Variants in SYNE2 observed in about 807,000 individuals in gnomAD.
SYNE2 encodes the protein spectrin repeat containing nuclear envelope protein 2, also known as nesprin-2.
Under a neutral mutation model 856.3 loss-of-function variants are expected in SYNE2, and 431 were observed. That is an observed-to-expected ratio of 0.50 (90% CI 0.47 to 0.55). The LOEUF (loss-of-function observed/expected upper bound fraction) is 0.55, where lower values mean the gene tolerates loss of function less well. Among genes scored for constraint, SYNE2 ranks in the 20% least tolerant of loss-of-function variants. SYNE2 has a pLI of 0.00. For missense variants in SYNE2, 8,129 were observed against 8,023.2 expected (o/e 1.01, Z -0.50); for synonymous variants, 2,923 against 2,872.3 (o/e 1.02, Z -0.56).
At chr14:64,166,631 C>T (rs1952334237) in intron 90 of SYNE2, among the ~76,000 whole-genome samples, 1 of 152,128 alleles carries the variant, frequency 6.6e-6, no homozygotes, top group African/African-American at 2.4e-5. Context: ...GACTTAAAAG[C>T]CCAGAATTGG....
chr14:64,178,092 A>G (rs1596011959), intron 96 of SYNE2, among the ~76,000 whole-genome samples: 1 of 152,224 alleles, frequency 6.6e-6, no homozygotes, highest in African/African-American at 2.4e-5. Flanking sequence ...AAAGACATTG[A>G]GAGACTGTTG....
chr14:63,903,043 GTTCCTT>G (rs1566758025), intron 1 of SYNE2, among the ~76,000 whole-genome samples: 2 of 152,106 alleles, frequency 1.3e-5, no homozygotes, highest in Non-Finnish European at 2.9e-5. Context: ...ATCCTGAGAA[GTTCCTT>G]GGAACTTTTC....
At chr14:64,013,847 TACAA>T (rs1567052133) in intron 32 of SYNE2, among the ~76,000 whole-genome samples, 1 of 152,136 alleles carries the variant, frequency 6.6e-6, no homozygotes, top group Non-Finnish European at 1.5e-5. Context: ...ATAAAAATAA[TACAA>T]ACAAATCCCA....
rs780507049 is a variant in SYNE2, at chr14:64,225,394, CCTCCTGCTGCTGCTG to C, written c.20599_20613del (p.Leu6867_Leu6871del). ...GGGCAGCCCTACCCCTGCAGCTGCT[CCTCCTGCTGCTGCTG>C]CTCCTGGCCTGCCTGCTGCCCTCCT... On this transcript the variant is annotated inframe_deletion, in exon 116 of 116. Coordinates refer to ENST00000555002, the MANE Select transcript of SYNE2 (RefSeq NM_182914.3). 1.2e-5 allele frequency: 19 copies of C among 1,614,100 alleles called. No individual in the cohort carries two copies. Among genetic ancestry groups the C allele is most frequent in the Non-Finnish European group, 1.5e-5 (18 of 1,179,982 alleles).
intron 2 of SYNE2, among the ~76,000 whole-genome samples, chr14:63,924,852 T>G (rs201345619): frequency 1.5e-3 from 213 of 138,568 alleles, no homozygotes; most frequent in Middle Eastern, 0.015. Flanking sequence ...TTTTTTTTTT[T>G]TTTTTTTTTT....
chr14:63,964,895 C>T (rs1418556860), intron 10 of SYNE2, among the ~76,000 whole-genome samples: 1 of 151,638 alleles, frequency 6.6e-6, no homozygotes, highest in African/African-American at 2.4e-5. Context: ...AATTACAATA[C>T]AGGGCTCAAC....
chr14:64,215,741 G>A (rs2098663437), intron 107 of SYNE2: 2 of 395,560 alleles, frequency 5.1e-6, no homozygotes, highest in South Asian at 2.9e-5. Flanking sequence ...GGGGTGGGGG[G>A]TTGGGGCGGT....
At chr14:64,005,313 A>AGT (rs1483791251) in intron 30 of SYNE2, among the ~76,000 whole-genome samples, 1 of 152,250 alleles carries the variant, frequency 6.6e-6, no homozygotes, top group Non-Finnish European at 1.5e-5. Flanking sequence ...GACCTATTGT[A>AGT]GTAATCCCTG....
chr14:63,979,051 C>A, intron 14 of SYNE2, 37 bp downstream of exon 14: 3 of 1,604,422 alleles, frequency 1.9e-6, no homozygotes, highest in East Asian at 4.5e-5. Context: ...GCAACTCCTC[C>A]ATCTCTGGGT....
rs1555349477 is a variant in SYNE2, at chr14:63,859,979, C to CCCTTCCTCCCTTCCTT, written c.-52+6843_-52+6844insCCCTTCCTTCCTTCCT. Among the ~76,000 whole-genome samples the CCCTTCCTCCCTTCCTT allele has an allele frequency of 3.1e-3, 404 of 130,200 alleles. 5 individuals carry two copies. The highest frequency in any genetic ancestry group is 0.011 in the African/African-American group (374 of 33,798). The allele number at this position is 130,200 out of a possible 152,430, so 85.4% of individuals were successfully genotyped here. A position where few individuals can be genotyped will look rare whatever the true frequency, so the allele number is the denominator to read the frequency against. ...TCCCTCCCTCCCTCCCTCCCTTCCT[C>CCCTTCCTCCCTTCCTT]CCTTCCTTCCTTCGTTCCTACCATC... On this transcript the variant is annotated intron_variant, in intron 1 of 115. Transcript: ENST00000555002.
chr14:64,203,002 G>A, intron 100 of SYNE2, 39 bp downstream of exon 100: 4 of 1,611,264 alleles, frequency 2.5e-6, no homozygotes, highest in Non-Finnish European at 3.4e-6. Context: ...AGAGTACGGT[G>A]TCCGCGATAT....
Position 64,081,472 on chromosome 14 carries a change from C to T in SYNE2, c.11376C>T (p.Asp3792=), listed in dbSNP as rs2097523525. The T allele has an allele frequency of 4.3e-6, 7 of 1,614,030 alleles. No individual in the cohort carries two copies. The highest frequency in any genetic ancestry group is 1.6e-4 in the Middle Eastern group (1 of 6,082). ...KATVKMEEYS[D]LLKSTEAWIE... is the part of the protein sequence containing the mutation. ...CAGTTAAGATGGAGGAATATAGTGACCTTCTGAAGAGCACTGAGGCTTGGA... is the reference window on the plus strand; with the variant it reads ...CAGTTAAGATGGAGGAATATAGTGATCTTCTGAAGAGCACTGAGGCTTGGA... The change falls in exon 57 of 116, where the codon GAC becomes GAT. Residue 3792 remains aspartate, a synonymous_variant. Coordinates refer to ENST00000555002, the MANE Select transcript of SYNE2 (RefSeq NM_182914.3).
At chr14:63,787,539 A>G (rs1170340720) in intron 1 of SYNE2, among the ~76,000 whole-genome samples, 1 of 152,198 alleles carries the variant, frequency 6.6e-6, no homozygotes, top group Non-Finnish European at 1.5e-5. Flanking sequence ...GTGGACGATG[A>G]GCAAGATGAA....
chr14:63,922,129 G>T (rs1194998341), intron 2 of SYNE2, among the ~76,000 whole-genome samples: 1 of 152,050 alleles, frequency 6.6e-6, no homozygotes, highest in Non-Finnish European at 1.5e-5. Flanking sequence ...TCAGTCTCTT[G>T]AATAGTTGGG....
chr14:64,209,694 G>C, intron 102 of SYNE2, 116 bp downstream of exon 102: 1 of 1,458,196 alleles, frequency 6.9e-7, no homozygotes, highest in Non-Finnish European at 9.4e-7. Flanking sequence ...GGCAAGGGCT[G>C]CCTAAACCAC....
At chr14:63,906,066 G>A (rs909026455) in intron 1 of SYNE2, among the ~76,000 whole-genome samples, 1 of 152,012 alleles carries the variant, frequency 6.6e-6, no homozygotes, top group Admixed American at 6.6e-5. Flanking sequence ...GATGACATAT[G>A]GTTTTTGCTT....
chr14:64,104,154 C>T (rs10146044), intron 64 of SYNE2, among the ~76,000 whole-genome samples: 2 of 151,972 alleles, frequency 1.3e-5, no homozygotes, highest in Admixed American at 6.6e-5. Flanking sequence ...TCTACTCCCT[C>T]GGCCCCTTTT....
chr14:63,913,843 A>T (rs774745754), intron 2 of SYNE2, among the ~76,000 whole-genome samples: 3 of 152,028 alleles, frequency 2.0e-5, no homozygotes, highest in Admixed American at 6.5e-5. Context: ...AAAATTTTTT[A>T]AATTTAATTT....
intron 16 of SYNE2, among the ~76,000 whole-genome samples, 178 bp from the exon 17 acceptor site, chr14:63,982,452 C>T (rs1021955482): frequency 1.0e-4 from 14 of 139,930 alleles, no homozygotes; most frequent in Admixed American, 8.6e-4. Context: ...AGTCTTGGTG[C>T]GGAGGTTGCA....
Sources: allele counts gnomAD v4.1 joint callset (sites outside exome capture counted in the v4.1 genomes callset), GRCh38; gene constraint gnomAD v4.1.1; transcripts MANE v1.5; gene names NCBI Gene and HGNC (gene_info 2026-07-23, HGNC 2026-07-21).